Variants in SLX4IP observed in about 807,000 individuals in gnomAD.
SLX4IP encodes SLX4 interacting protein.
SLX4IP carries 34 observed loss-of-function variants against 32.9 expected under a neutral mutation model. That is an observed-to-expected ratio of 1.03 (90% confidence interval 0.79 to 1.38). The LOEUF is 1.38. SLX4IP is among the 40% of genes most tolerant of loss of function. The pLI is 0.00. For missense variants in SLX4IP, 444 were observed against 479.0 expected, an observed-to-expected ratio of 0.93 and a Z score of 0.68; for synonymous variants, 172 against 171.7, an observed-to-expected ratio of 1.00 and a Z score of -0.01.
chr20:10,468,089 A>G lies in SLX4IP; in HGVS notation c.27+9858A>G, dbSNP rs1443548677. On this transcript the variant is annotated intron_variant, in intron 2 of 7. Coordinates refer to ENST00000334534, the MANE Select transcript of SLX4IP (RefSeq NM_001009608.3). ...TGATCCCTAAAACTTCAAACAAAGA[A>G]CTGAGTTTATCATGGCTTTCATCTA... 2.6e-5 allele frequency among the ~76,000 whole-genome samples: 4 copies of G among 152,166 alleles called. 1 individual carries two copies. Among genetic ancestry groups the G allele is most frequent in the Admixed American group, 2.0e-4 (3 of 15,276 alleles).
intron 2 of SLX4IP, among the ~76,000 whole-genome samples, chr20:10,492,955 A>G (rs1436552445): frequency 1.3e-5 from 2 of 151,200 alleles, no homozygotes; most frequent in East Asian, 3.9e-4. Flanking sequence ...TGTTTTGATT[A>G]CTGTAACATT....
chr20:10,477,106 G>C (rs1431377550), intron 2 of SLX4IP, among the ~76,000 whole-genome samples: 1 of 152,110 alleles, frequency 6.6e-6, no homozygotes, highest in Non-Finnish European at 1.5e-5. Context: ...CAGGTTTTTG[G>C]TGTCTTAGGT....
rs1302321138 is a variant in SLX4IP at position 10,622,811 on chromosome 20, G to T, written c.659G>T (p.Gly220Val). 1.2e-6 allele frequency: 2 copies of T among 1,614,042 alleles called. No homozygotes were observed. Among genetic ancestry groups the T allele is most frequent in the Non-Finnish European group, 1.7e-6 (2 of 1,180,050 alleles). ...ASSSPPSESM[G>V]QAKDSIKAAE... ...TCCAGTCCCCCATCAGAATCCATGG[G>T]ACAAGCAAAGGATTCCATAAAGGCA... Residue 220 changes from glycine (G) to valine (V), a missense_variant, in exon 8 of 8, where the codon GGA becomes GTA. Physicochemically the swap from Gly to Val is moderately radical, Grantham distance 109. Transcript: ENST00000334534.
intron 4 of SLX4IP, among the ~76,000 whole-genome samples, chr20:10,584,148 G>T (rs1600129188): frequency 6.6e-6 from 1 of 151,852 alleles, no homozygotes; most frequent in Admixed American, 6.6e-5. Context: ...CTATAAAAAC[G>T]CAAATCAGCA....
chr20:10,440,236 C>T (rs556600473), intron 1 of SLX4IP, among the ~76,000 whole-genome samples: 19 of 151,854 alleles, frequency 1.3e-4, no homozygotes, highest in Non-Finnish European at 2.4e-4. Flanking sequence ...TGGCGGATCA[C>T]TTGAGATCAG....
chr20:10,601,026 G>T (rs539108975), intron 5 of SLX4IP, among the ~76,000 whole-genome samples: 2 of 152,120 alleles, frequency 1.3e-5, no homozygotes, highest in East Asian at 3.9e-4. Context: ...TTACCATCTT[G>T]CCTTCCTTTC....
intron 6 of SLX4IP, among the ~76,000 whole-genome samples, chr20:10,603,522 A>T (rs927899503): frequency 2.0e-5 from 3 of 152,244 alleles, no homozygotes; most frequent in Non-Finnish European, 4.4e-5. Flanking sequence ...AGAGTTAACC[A>T]CATTAACTTA....
chr20:10,556,264 A>G lies in SLX4IP; in HGVS notation c.61A>G (p.Ile21Val), dbSNP rs771947915. 1.2e-6 allele frequency: 2 copies of G among 1,613,608 alleles called. No homozygotes were observed. Among genetic ancestry groups the G allele is most frequent in the Non-Finnish European group, 1.7e-6 (2 of 1,179,842 alleles). ...TTTTGCTGTCCTCGTGGATCTTCATATCTTGCCACAAGGTTCAAACAAAGA... is the reference window on the plus strand; with the variant it reads ...TTTTGCTGTCCTCGTGGATCTTCATGTCTTGCCACAAGGTTCAAACAAAGA... ...GNFAVLVDLH[I>V]LPQGSNKDTS... is the part of the protein sequence containing the mutation. Residue 21 changes from isoleucine (I) to valine (V), a missense_variant, in exon 3 of 8, where the codon ATC becomes GTC. By Grantham distance (29) the Ile-to-Val change is conservative. Coordinates refer to ENST00000334534, the MANE Select transcript of SLX4IP (RefSeq NM_001009608.3).
intron 4 of SLX4IP, among the ~76,000 whole-genome samples, chr20:10,573,852 A>G (rs1191279237): frequency 6.6e-6 from 1 of 152,250 alleles, no homozygotes; most frequent in Non-Finnish European, 1.5e-5. Flanking sequence ...GACTCAATCA[A>G]AACATTTTAT....
At chr20:10,588,573 C>T (rs1202209586) in intron 4 of SLX4IP, among the ~76,000 whole-genome samples, 2 of 152,060 alleles carry the variant, frequency 1.3e-5, no homozygotes, top group Non-Finnish European at 2.9e-5. Flanking sequence ...CATTACTCAG[C>T]CATAAAAAAA....
chr20:10,620,446 A>G (rs1281643314), intron 6 of SLX4IP, among the ~76,000 whole-genome samples: 2 of 152,246 alleles, frequency 1.3e-5, no homozygotes, highest in African/African-American at 4.8e-5. Context: ...GGTGGTTAGT[A>G]TAAGGAAAAA....
intron 4 of SLX4IP, among the ~76,000 whole-genome samples, chr20:10,568,252 A>G (rs138259194): frequency 1.1e-3 from 168 of 152,328 alleles, no homozygotes; most frequent in Middle Eastern, 0.01. Context: ...GACCAGAACA[A>G]TGTCCTGCAA....
chr20:10,530,537 G>C (rs569315980), intron 2 of SLX4IP, among the ~76,000 whole-genome samples: 1 of 152,140 alleles, frequency 6.6e-6, no homozygotes, highest in Non-Finnish European at 1.5e-5. Flanking sequence ...TGGAGTCTGC[G>C]TGCTCACTTG....
intron 2 of SLX4IP, among the ~76,000 whole-genome samples, chr20:10,458,538 C>T (rs116669329): frequency 0.025 from 3,837 of 152,100 alleles, 169 homozygotes; most frequent in African/African-American, 0.088. Context: ...ACAACAGGTC[C>T]CAGTGTGTGC....
intron 2 of SLX4IP, among the ~76,000 whole-genome samples, chr20:10,475,146 A>G (rs979483949): frequency 6.6e-6 from 1 of 152,244 alleles, no homozygotes; most frequent in African/African-American, 2.4e-5. Flanking sequence ...CATTCTGTGG[A>G]GGGCCAGAGC....
chr20:10,526,056 T>C (rs1054968033), intron 2 of SLX4IP, among the ~76,000 whole-genome samples: 2 of 152,188 alleles, frequency 1.3e-5, no homozygotes, highest in East Asian at 3.8e-4. Flanking sequence ...CTGATCTCTT[T>C]GTTCTAGCCT....
chr20:10,471,065 T>C (rs889693796), intron 2 of SLX4IP, among the ~76,000 whole-genome samples: 1 of 152,220 alleles, frequency 6.6e-6, no homozygotes, highest in Non-Finnish European at 1.5e-5. Flanking sequence ...ATCAAATTAA[T>C]ATAAAAGACA....
intron 6 of SLX4IP, among the ~76,000 whole-genome samples, chr20:10,606,178 A>T (rs1001342275): frequency 2.0e-5 from 3 of 152,218 alleles, no homozygotes; most frequent in African/African-American, 7.2e-5. Flanking sequence ...CAGATTAAAA[A>T]ATTATGATTA....
At chr20:10,449,006 T>A (rs1193371550) in intron 1 of SLX4IP, among the ~76,000 whole-genome samples, 1 of 152,138 alleles carries the variant, frequency 6.6e-6, no homozygotes, top group Non-Finnish European at 1.5e-5. Flanking sequence ...CACATATGAG[T>A]GTGTACTCCT....
Sources: allele counts gnomAD v4.1 joint callset (sites outside exome capture counted in the v4.1 genomes callset), GRCh38; gene constraint gnomAD v4.1.1; transcripts MANE v1.5; gene names NCBI Gene and HGNC (gene_info 2026-07-23, HGNC 2026-07-21).